The following MAP4K1 variants were observed in gnomAD, a reference collection of about 807,000 sequenced individuals.
MAP4K1 encodes the protein mitogen-activated protein kinase kinase kinase kinase 1.
In MAP4K1, 35 loss-of-function variants were observed where a neutral mutation model predicts 122.8. The ratio of observed to expected loss-of-function variants is 0.29; its 90% CI spans 0.22 to 0.38. The LOEUF (loss-of-function observed/expected upper bound fraction) is 0.38, where lower values mean the gene tolerates loss of function less well. MAP4K1 is among the 10% of genes least tolerant of loss of function. The pLI is 1.00. For synonymous variants in MAP4K1, 412 were observed against 421.3 expected (o/e 0.98, Z 0.27); for missense variants, 791 against 1,072.6 (o/e 0.74, Z 3.67).
At chr19:38,614,189 C>T in intron 6 of MAP4K1, 56 bp downstream of exon 6, 1 of 1,608,920 alleles carries the variant, frequency 6.2e-7, no homozygotes, top group Non-Finnish European at 8.5e-7. Context: ...CCCTGAAATG[C>T]CACTCCCATC....
At chr19:38,589,334 T>C in intron 30 of MAP4K1, 5 of 248,782 alleles carry the variant, frequency 2.0e-5, no homozygotes, top group South Asian at 1.8e-4. Flanking sequence ...CAAAAAACAA[T>C]AAAACTAGTG....
intron 19 of MAP4K1, 66 bp downstream of exon 19, chr19:38,605,343 C>A: frequency 1.9e-4 from 162 of 856,818 alleles, no homozygotes; most frequent in Non-Finnish European, 2.6e-4. Context: ...GCCACCCCCT[C>A]CCCACCCCAC....
intron 29 of MAP4K1, among the ~76,000 whole-genome samples, 168 bp downstream of exon 29, chr19:38,595,305 TAAAAATAAAATA>T (rs1261876105): frequency 6.6e-6 from 1 of 151,826 alleles, no homozygotes; most frequent in Non-Finnish European, 1.5e-5. Flanking sequence ...AATAAATAAA[TAAAAATAAAATA>T]AAAAATAAAT....
Position 38,591,970 on chromosome 19 carries a change from C to CAAA in MAP4K1, c.2396+1309_2396+1311dup, listed in dbSNP as rs34002038. ...TGGGCAACAGAGCAAGAATCCGTCT[C>CAAA]AAAAAAAAAAAAAAAATGCAGCCAG... is the stretch of plus-strand genomic sequence containing the variant. On this transcript the variant is annotated intron_variant, in intron 30 of 30. Transcript: ENST00000396857. Among the ~76,000 whole-genome samples the CAAA allele has an allele frequency of 5.1e-3, 431 of 85,012 alleles. 3 individuals are homozygous for CAAA. Among genetic ancestry groups the CAAA allele is most frequent in the African/African-American group, 0.016 (405 of 24,742 alleles). 55.8% of individuals were successfully genotyped at this position (85,012 alleles called of 152,430 possible).
intron 19 of MAP4K1, among the ~76,000 whole-genome samples, chr19:38,605,204 G>C (rs1405710782): frequency 6.6e-6 from 1 of 151,894 alleles, no homozygotes; most frequent in Non-Finnish European, 1.5e-5. Flanking sequence ...CCCCATTTGT[G>C]AAATGGGGGA....
chr19:38,607,848 G>A lies in MAP4K1; in HGVS notation c.1157+16C>T. The A allele has an allele frequency of 6.2e-7, 1 of 1,609,704 alleles. No homozygotes were observed. The highest frequency in any genetic ancestry group is 8.5e-7 in the Non-Finnish European group (1 of 1,178,278). On this transcript the variant is annotated intron_variant, in intron 16 of 30. Coordinates refer to ENST00000396857, the MANE Select transcript of MAP4K1 (RefSeq NM_001042600.3). ...TGAGGTGGGGCCTGTGGAGCTGCAG[G>A]CAGGGCCTCACTTACATGTCCACGT...
chr19:38,591,226 C>G (rs1317963767), intron 30 of MAP4K1, among the ~76,000 whole-genome samples: 1 of 151,406 alleles, frequency 6.6e-6, no homozygotes, highest in Non-Finnish European at 1.5e-5. Context: ...AAGGCAAATG[C>G]GGTTAAAAAG....
chr19:38,609,369 A>T (rs1356622909), intron 13 of MAP4K1, among the ~76,000 whole-genome samples: 1 of 152,130 alleles, frequency 6.6e-6, no homozygotes, highest in Admixed American at 6.5e-5. Context: ...TCCTGACCTC[A>T]GATGATCTGC....
At chr19:38,601,779 C>T in intron 19 of MAP4K1, 2 of 457,812 alleles carry the variant, frequency 4.4e-6, no homozygotes, top group Non-Finnish European at 7.7e-6. Flanking sequence ...CCTAAATCAT[C>T]AGCATTTGTT....
rs547821381 is a variant in MAP4K1 at position 38,608,097 on chromosome 19, G to A, written c.1065+15C>T. On this transcript the variant is annotated intron_variant, in intron 14 of 30. Coordinates refer to ENST00000396857, the MANE Select transcript of MAP4K1 (RefSeq NM_001042600.3). ...AGCAGGCGGTGTGGTGGGGAGTGGG[G>A]GGACAGCATCTCACGGTGTTGGCTG... The A allele has an allele frequency of 5.9e-5, 92 of 1,548,374 alleles. No individual in the cohort carries two copies. In the South Asian group the frequency reaches 9.8e-4, roughly 16 times the overall value.
At position 38,597,274 on chromosome 19, in the gene MAP4K1, C is replaced by T; in HGVS notation, c.1837+52G>A. 15 of 1,610,750 alleles carry T rather than the reference C, an allele frequency of 9.3e-6. No homozygotes were observed. In the South Asian group the frequency reaches 1.3e-4, roughly 14 times the overall value. The stretch of plus-strand genomic sequence containing the variant: ...TCAGGTGGATGCAGTTCAAGCCCCT[C>T]CTCTGGCCTGGCCCCGCCCACTCTC... On this transcript the variant is annotated intron_variant, in intron 24 of 30. Coordinates refer to ENST00000396857, the MANE Select transcript of MAP4K1 (RefSeq NM_001042600.3). This position sits in a 1 kb window ranked among gnomAD's most constrained non-coding sequence, Gnocchi z 4.6.
In MAP4K1 at chr19:38,605,437, G is replaced by T; in HGVS notation, c.1418C>A (p.Pro473His). The T allele has an allele frequency of 6.2e-7, 1 of 1,601,616 alleles. No homozygotes were observed. The change falls in exon 19 of 31, where the codon CCC becomes CAC. Residue 473 changes from proline (P) to histidine (H), a missense_variant. This residue lies in a region of MAP4K1 where 303 missense variants were observed against 344.8 expected (regional missense o/e 0.88). Transcript: ENST00000396857. Reference sequence around the variant, plus strand: ...TCTCTTCATCTTTTCCTTCTTGGGGGGCAGAAGTGGGGGCTTGTCAAGCTC... The same window carrying T: ...TCTCTTCATCTTTTCCTTCTTGGGGTGCAGAAGTGGGGGCTTGTCAAGCTC... ...SRELDKPPLL[P>H]PKKEKMKRKG...
At chr19:38,601,575 G>A (rs1365786584) in intron 19 of MAP4K1, 50 bp from the exon 20 acceptor site, 14 of 1,380,712 alleles carry the variant, frequency 1.0e-5, no homozygotes, top group Non-Finnish European at 1.3e-5. Context: ...AAGAGAGCAG[G>A]GAACAGGAAG....
At chr19:38,588,977 T>C (rs763392954) in intron 30 of MAP4K1, among the ~76,000 whole-genome samples, 9 of 151,768 alleles carry the variant, frequency 5.9e-5, no homozygotes, top group Non-Finnish European at 8.8e-5. Context: ...TAAAAATCCA[T>C]GAGACCATGC....
intron 30 of MAP4K1, among the ~76,000 whole-genome samples, chr19:38,590,114 A>G (rs1974659221): frequency 6.6e-6 from 1 of 151,854 alleles, no homozygotes; most frequent in Non-Finnish European, 1.5e-5. Context: ...ACCGAAGTTA[A>G]TATCACCAGT....
intron 19 of MAP4K1, among the ~76,000 whole-genome samples, chr19:38,604,082 C>T (rs750142146): frequency 4.2e-5 from 6 of 143,718 alleles, no homozygotes; most frequent in Admixed American, 7.2e-5. Flanking sequence ...GCCATGATCG[C>T]GCCACTGCAC....
intron 19 of MAP4K1, among the ~76,000 whole-genome samples, chr19:38,603,121 C>G (rs997792407): frequency 4.4e-5 from 6 of 136,806 alleles, no homozygotes; most frequent in Non-Finnish European, 9.3e-5. Flanking sequence ...TACACATGTA[C>G]ATATATACGC....
At position 38,608,036 on chromosome 19, in the gene MAP4K1, G is replaced by A. The variant is rs756917595; in HGVS notation, c.1066-3C>T. The stretch of plus-strand genomic sequence containing the variant: ...TCTCGAGGAGGCTGTAGGCGAGCCT[G>A]TGGGGTAGGAAAAGGGTCAGCAGTG... On this transcript the variant is annotated splice_polypyrimidine_tract_variant and splice_region_variant and intron_variant, in intron 14 of 30. Transcript: ENST00000396857. The A allele has an allele frequency of 6.3e-7, 1 of 1,597,802 alleles. No individual in the cohort carries two copies. The highest frequency in any genetic ancestry group is 8.5e-7 in the Non-Finnish European group (1 of 1,170,302).
intron 3 of MAP4K1, 93 bp from the exon 4 acceptor site, chr19:38,616,352 A>C (rs1339713066): frequency 2.1e-6 from 2 of 933,782 alleles, no homozygotes; most frequent in Non-Finnish European, 3.2e-6. Context: ...GTTCTAGTTC[A>C]ATAAGAACTT....
Sources: allele counts gnomAD v4.1 joint callset (sites outside exome capture counted in the v4.1 genomes callset), GRCh38; gene constraint gnomAD v4.1.1; regional missense constraint gnomAD v4.1.1; non-coding constraint Gnocchi (gnomAD v3.1); transcripts MANE v1.5; gene names NCBI Gene and HGNC (gene_info 2026-07-23, HGNC 2026-07-21).